Variants in COL14A1 observed in about 807,000 individuals in gnomAD.
COL14A1 encodes the protein collagen alpha-1(XIV) chain.
In COL14A1, 136 loss-of-function variants were observed where a neutral mutation model predicts 230.3. The observed-to-expected ratio is 0.59, with a 90% CI of 0.51 to 0.68. The LOEUF (loss-of-function observed/expected upper bound fraction) is 0.68. Among genes scored for constraint, COL14A1 ranks in the 30% least tolerant of loss-of-function variants. The pLI is 0.00. For missense variants in COL14A1, 1,976 were observed against 2,215.8 expected, an observed-to-expected ratio of 0.89 and a Z score of 2.17; for synonymous variants, 792 against 784.1, an observed-to-expected ratio of 1.01 and a Z score of -0.17.
At chr8:120,193,440 G>A (rs1816905001) in intron 5 of COL14A1, among the ~76,000 whole-genome samples, 1 of 152,192 alleles carries the variant, frequency 6.6e-6, no homozygotes, top group Non-Finnish European at 1.5e-5. Context: ...GCCATGTGAG[G>A]TGTCAGTCTG....
At chr8:120,308,837 T>C (rs114018352) in intron 36 of COL14A1, among the ~76,000 whole-genome samples, 3,272 of 152,320 alleles carry the variant, frequency 0.021, 57 homozygotes, top group Middle Eastern at 0.11. Context: ...TCAGGTAAAA[T>C]ATAAATTCTG....
chr8:120,339,207 TC>T (rs1736263572), intron 42 of COL14A1, among the ~76,000 whole-genome samples: 1 of 152,198 alleles, frequency 6.6e-6, no homozygotes, highest in Non-Finnish European at 1.5e-5. Flanking sequence ...ACTCCTGACC[TC>T]GTGGTCTGCC....
chr8:120,172,486 T>C (rs1001770475), intron 5 of COL14A1, among the ~76,000 whole-genome samples: 1 of 152,136 alleles, frequency 6.6e-6, no homozygotes, highest in African/African-American at 2.4e-5. Flanking sequence ...ATACTGACTT[T>C]CATTCATGGG....
chr8:120,308,481 G>A (rs1459886781), intron 36 of COL14A1, among the ~76,000 whole-genome samples: 1 of 152,230 alleles, frequency 6.6e-6, no homozygotes, highest in East Asian at 1.9e-4. Context: ...TGTAAAAAGT[G>A]TGACATCACA....
At chr8:120,177,138 A>C (rs1363297212) in intron 5 of COL14A1, among the ~76,000 whole-genome samples, 1 of 152,166 alleles carries the variant, frequency 6.6e-6, no homozygotes, top group Non-Finnish European at 1.5e-5. Flanking sequence ...AAATTAATAT[A>C]AAAATGCCCT....
At chr8:120,291,732 T>C (rs577286647) in intron 34 of COL14A1, among the ~76,000 whole-genome samples, 2 of 152,180 alleles carry the variant, frequency 1.3e-5, no homozygotes, top group South Asian at 4.2e-4. Context: ...GAGCAACTAT[T>C]ATTATTGAAG....
rs777843697 is a variant in COL14A1 at position 120,206,952 on chromosome 8, A to G, written c.1049A>G (p.His350Arg). ...EQDREIKASAHAITGPPTELI... is the reference protein window; with the variant it reads ...EQDREIKASARAITGPPTELI... ...TGTTTTTTTAATTTAGCCTCAGCCC[A>G]TGCCATCACTGGGCCGCCTACGGAG... The change falls in exon 10 of 48, where the codon CAT becomes CGT. Residue 350 changes from histidine (H) to arginine (R), a missense_variant. Physicochemically the swap from His to Arg is conservative, Grantham distance 29. Transcript: ENST00000297848. 6.2e-7 allele frequency: 1 copy of G among 1,609,476 alleles called. No individual in the cohort carries two copies. Among genetic ancestry groups the G allele is most frequent in the Non-Finnish European group, 8.5e-7 (1 of 1,178,748 alleles).
intron 5 of COL14A1, among the ~76,000 whole-genome samples, chr8:120,178,997 T>G (rs1205830245): frequency 6.6e-6 from 1 of 152,074 alleles, no homozygotes; most frequent in Non-Finnish European, 1.5e-5. Flanking sequence ...GATGGCAAAA[T>G]TTTTCTCCCA....
intron 23 of COL14A1, among the ~76,000 whole-genome samples, chr8:120,262,494 C>CA (rs997011398): frequency 6.6e-6 from 1 of 151,698 alleles, no homozygotes; most frequent in African/African-American, 2.4e-5. Context: ...AAAACAAAAA[C>CA]AAAAAAACCC....
At chr8:120,293,621 A>G (rs1016605913) in intron 34 of COL14A1, among the ~76,000 whole-genome samples, 1 of 151,876 alleles carries the variant, frequency 6.6e-6, no homozygotes, top group African/African-American at 2.4e-5. Context: ...GACTGTATCC[A>G]ACTTCTATAA....
intron 40 of COL14A1, among the ~76,000 whole-genome samples, chr8:120,316,488 G>T (rs1821240280): frequency 6.6e-6 from 1 of 152,166 alleles, no homozygotes; most frequent in Non-Finnish European, 1.5e-5. Flanking sequence ...TCAGGAAAGG[G>T]ATACGCTAAC....
At chr8:120,190,440 G>A (rs931151296) in intron 5 of COL14A1, among the ~76,000 whole-genome samples, 3 of 152,108 alleles carry the variant, frequency 2.0e-5, no homozygotes, top group African/African-American at 7.2e-5. Context: ...TAGGTTGCCT[G>A]TTCACTCTGA....
intron 13 of COL14A1, among the ~76,000 whole-genome samples, chr8:120,212,986 G>A (rs189228160): frequency 6.6e-6 from 1 of 152,154 alleles, no homozygotes; most frequent in African/African-American, 2.4e-5. Context: ...GCAGCATGTG[G>A]TTGGTATAAG....
intron 34 of COL14A1, among the ~76,000 whole-genome samples, chr8:120,293,263 T>C (rs1016987242): frequency 6.6e-6 from 1 of 151,998 alleles, no homozygotes; most frequent in African/African-American, 2.4e-5. Context: ...GAGTTGCCTA[T>C]CATTTTAGCC....
chr8:120,237,143 T>G (rs190752216), intron 19 of COL14A1, among the ~76,000 whole-genome samples: 1 of 152,216 alleles, frequency 6.6e-6, no homozygotes, highest in East Asian at 1.9e-4. Context: ...TTCCTGAATT[T>G]GAATGTTGGC....
intron 45 of COL14A1, among the ~76,000 whole-genome samples, chr8:120,361,220 C>G (rs1823200195): frequency 6.6e-6 from 1 of 152,150 alleles, no homozygotes; most frequent in African/African-American, 2.4e-5. Flanking sequence ...TCTGAAAGAT[C>G]TAGAGTGGTT....
chr8:120,286,889 G>A (rs1455043792), intron 33 of COL14A1, among the ~76,000 whole-genome samples: 1 of 152,124 alleles, frequency 6.6e-6, no homozygotes, highest in African/African-American at 2.4e-5. Flanking sequence ...ACTTACCTGT[G>A]GTGATCATTG....
At chr8:120,254,821 C>CAA (rs59681431) in intron 22 of COL14A1, among the ~76,000 whole-genome samples, 11,323 of 93,482 alleles carry the variant, frequency 0.12, 887 homozygotes, top group Non-Finnish European at 0.17. Context: ...ACTGCCTCTA[C>CAA]AAAAAAAAAA....
intron 13 of COL14A1, among the ~76,000 whole-genome samples, chr8:120,214,328 A>C (rs1033390873): frequency 2.0e-5 from 3 of 152,218 alleles, no homozygotes; most frequent in African/African-American, 7.2e-5. Flanking sequence ...CTATCCTTGC[A>C]TTCTAATGTA....
Sources: allele counts gnomAD v4.1 joint callset (sites outside exome capture counted in the v4.1 genomes callset), GRCh38; gene constraint gnomAD v4.1.1; transcripts MANE v1.5; gene names NCBI Gene and HGNC (gene_info 2026-07-23, HGNC 2026-07-21).